Variants in KIAA0825 observed in about 807,000 individuals in gnomAD.
KIAA0825 encodes the protein uncharacterized protein KIAA0825.
A neutral mutation model predicts 147.6 loss-of-function variants in KIAA0825; 119 were observed. That is an observed-to-expected ratio of 0.81 (90% CI 0.69 to 0.94). The LOEUF (loss-of-function observed/expected upper bound fraction) is 0.94, where lower values mean the gene tolerates loss of function less well. KIAA0825 is among the 40% of genes least tolerant of loss of function. The pLI, the probability that KIAA0825 is intolerant of heterozygous loss-of-function variation, is 0.00. For missense variants in KIAA0825, 1,381 were observed against 1,472.7 expected (o/e 0.94, Z 1.02); for synonymous variants, 470 against 518.1 (o/e 0.91, Z 1.26).
At chr5:94,390,868 G>A (rs780928756) in intron 18 of KIAA0825, among the ~76,000 whole-genome samples, 1 of 152,148 alleles carries the variant, frequency 6.6e-6, no homozygotes, top group Non-Finnish European at 1.5e-5. Context: ...AACGCAATTA[G>A]ATGCCACAAT....
chr5:94,501,998 A>C (rs1296943889), intron 5 of KIAA0825, among the ~76,000 whole-genome samples: 1 of 152,220 alleles, frequency 6.6e-6, no homozygotes, highest in African/African-American at 2.4e-5. Context: ...GTATTGATAC[A>C]AAAGTGATCT....
intron 5 of KIAA0825, among the ~76,000 whole-genome samples, chr5:94,504,868 C>A (rs1765548501): frequency 6.6e-6 from 1 of 151,474 alleles, no homozygotes; most frequent in Admixed American, 6.6e-5. Context: ...CTGCCTCAGC[C>A]TCCCAAGTAG....
intron 14 of KIAA0825, among the ~76,000 whole-genome samples, chr5:94,436,761 T>C (rs1450785486): frequency 6.6e-6 from 1 of 152,208 alleles, no homozygotes; most frequent in East Asian, 1.9e-4. Flanking sequence ...GAGCATGAAA[T>C]GTTTTTCCAT....
intron 20 of KIAA0825, among the ~76,000 whole-genome samples, chr5:94,161,180 G>T (rs569567735): frequency 1.3e-5 from 2 of 152,304 alleles, no homozygotes; most frequent in South Asian, 4.1e-4. Flanking sequence ...CAGATATCCA[G>T]ATCCAAAGAC....
At position 94,533,079 on chromosome 5, in the gene KIAA0825, C is replaced by T. The variant is rs537088311; in HGVS notation, c.131+3917G>A. On this transcript the variant is annotated intron_variant, in intron 3 of 20. Coordinates refer to ENST00000682413, the MANE Select transcript of KIAA0825 (RefSeq NM_001145678.3). ...CTGCAAGCTCTGCCTCCCGGGTTCA[C>T]GCCATTCTCCTGCCTCAGCCTCCTG... 4.8e-3 allele frequency among the ~76,000 whole-genome samples: 707 copies of T among 147,688 alleles called. 20 individuals are homozygous for T. The highest frequency in any genetic ancestry group is 1.4e-3 in the Non-Finnish European group (94 of 66,848).
chr5:94,437,183 C>A (rs1302588937), intron 14 of KIAA0825, among the ~76,000 whole-genome samples: 1 of 151,898 alleles, frequency 6.6e-6, no homozygotes, highest in Admixed American at 6.6e-5. Context: ...GACTTTAAAT[C>A]AAATAAAAAT....
At chr5:94,367,272 G>A (rs937039483) in intron 20 of KIAA0825, among the ~76,000 whole-genome samples, 1 of 152,104 alleles carries the variant, frequency 6.6e-6, no homozygotes, top group Non-Finnish European at 1.5e-5. Context: ...TGAGGCGGGT[G>A]GATCACCCGA....
At chr5:94,204,421 G>A (rs909796321) in intron 20 of KIAA0825, among the ~76,000 whole-genome samples, 1 of 152,112 alleles carries the variant, frequency 6.6e-6, no homozygotes, top group Non-Finnish European at 1.5e-5. Flanking sequence ...TGAGGAATAA[G>A]AGAGCTACCT....
At chr5:94,261,395 G>C (rs767736016) in intron 20 of KIAA0825, among the ~76,000 whole-genome samples, 1 of 152,068 alleles carries the variant, frequency 6.6e-6, no homozygotes, top group Non-Finnish European at 1.5e-5. Context: ...GATACATAGG[G>C]ATGCAGCTGT....
intron 20 of KIAA0825, among the ~76,000 whole-genome samples, chr5:94,250,106 A>G (rs1223708336): frequency 6.6e-6 from 1 of 152,134 alleles, no homozygotes; most frequent in South Asian, 2.1e-4. Flanking sequence ...AAATGAACCA[A>G]TGACTGAAGT....
At chr5:94,384,647 A>T (rs1459888493) in intron 19 of KIAA0825, among the ~76,000 whole-genome samples, 189 bp from the exon 20 acceptor site, 1 of 152,232 alleles carries the variant, frequency 6.6e-6, no homozygotes, top group Non-Finnish European at 1.5e-5. Flanking sequence ...CAATTAATTT[A>T]TAAATCCATT....
At chr5:94,457,729 A>G (rs1759294992) in intron 12 of KIAA0825, among the ~76,000 whole-genome samples, 1 of 152,228 alleles carries the variant, frequency 6.6e-6, no homozygotes, top group African/African-American at 2.4e-5. Flanking sequence ...ATCAAAAGTG[A>G]GAACAACTGA....
chr5:94,524,564 T>C (rs1768895710), intron 3 of KIAA0825, among the ~76,000 whole-genome samples: 2 of 151,772 alleles, frequency 1.3e-5, no homozygotes, highest in African/African-American at 4.8e-5. Flanking sequence ...TTTTAAAAGT[T>C]GTAAAGTATA....
chr5:94,259,734 A>AT (rs1484101448), intron 20 of KIAA0825, among the ~76,000 whole-genome samples: 1 of 151,986 alleles, frequency 6.6e-6, no homozygotes, highest in Non-Finnish European at 1.5e-5. Flanking sequence ...CATCAGCTTC[A>AT]TTTTTAATAG....
intron 20 of KIAA0825, among the ~76,000 whole-genome samples, chr5:94,212,061 T>C (rs764903898): frequency 5.9e-5 from 9 of 152,200 alleles, no homozygotes; most frequent in Non-Finnish European, 1.0e-4. Context: ...ATTTATTCAA[T>C]GATTGCTATT....
At chr5:94,380,027 G>A (rs898562375) in intron 20 of KIAA0825, among the ~76,000 whole-genome samples, 3 of 151,394 alleles carry the variant, frequency 2.0e-5, no homozygotes, top group South Asian at 2.1e-4. Context: ...CTAATTTCTC[G>A]TATTTTTAGT....
chr5:94,427,375 A>G (rs767542782), intron 14 of KIAA0825, among the ~76,000 whole-genome samples: 2 of 151,980 alleles, frequency 1.3e-5, no homozygotes, highest in Non-Finnish European at 2.9e-5. Context: ...CTCTACAAAA[A>G]ATTTTCTAAA....
intron 20 of KIAA0825, among the ~76,000 whole-genome samples, chr5:94,323,757 A>G (rs1373512078): frequency 3.3e-5 from 5 of 151,902 alleles, no homozygotes; most frequent in Non-Finnish European, 1.5e-5. Context: ...GAAAGAAAAT[A>G]AGATATTTTG....
At chr5:94,362,152 G>A (rs1209856061) in intron 20 of KIAA0825, among the ~76,000 whole-genome samples, 2 of 152,148 alleles carry the variant, frequency 1.3e-5, no homozygotes, top group African/African-American at 4.8e-5. Context: ...AAGGCCATTT[G>A]ATCTATGAAC....
Sources: allele counts gnomAD v4.1 joint callset (sites outside exome capture counted in the v4.1 genomes callset), GRCh38; gene constraint gnomAD v4.1.1; transcripts MANE v1.5; gene names NCBI Gene and HGNC (gene_info 2026-07-23, HGNC 2026-07-21).